Variants in GXYLT1 observed in about 807,000 individuals in gnomAD.
GXYLT1 encodes the protein glucoside xylosyltransferase 1, also known as glycosyltransferase 8 domain containing 3.
Under a neutral mutation model 54.0 loss-of-function variants are expected in GXYLT1, and 29 were observed. The observed-to-expected ratio is 0.54, with a 90% confidence interval of 0.40 to 0.73. The LOEUF is 0.73. Ranked by LOEUF, GXYLT1 falls within the 30% of genes least tolerant of loss-of-function variation. GXYLT1 has a pLI of 0.00. For synonymous variants in GXYLT1, 176 were observed against 204.1 expected (o/e 0.86, Z 1.17); for missense variants, 490 against 553.4 (o/e 0.89, Z 1.15).
In GXYLT1 at chr12:42,144,766, C is replaced by A. The variant is rs933893811; in HGVS notation, c.-120G>T. 4.6e-6 allele frequency: 3 copies of A among 646,412 alleles called. No homozygotes were observed. Among genetic ancestry groups the A allele is most frequent in the African/African-American group, 1.9e-5 (1 of 52,092 alleles). 40.0% of individuals were successfully genotyped at this position (646,412 alleles called of 1,614,324 possible). A position where few individuals can be genotyped will look rare whatever the true frequency, so the allele number is the denominator to read the frequency against. ...AGTTCCTCACCCGCAGCCGCCGCCG[C>A]CGCCTTGCGCCCGCTCCCTTCCTTC... is the stretch of plus-strand genomic sequence containing the variant. On this transcript the variant is annotated 5_prime_UTR_variant, in exon 1 of 8. Transcript: ENST00000398675.
At chr12:42,104,675 T>C (rs1436122820) in intron 5 of GXYLT1, among the ~76,000 whole-genome samples, 1 of 152,164 alleles carries the variant, frequency 6.6e-6, no homozygotes, top group Admixed American at 6.5e-5. Context: ...TACTGCTGCC[T>C]ATACCAAAGG....
chr12:42,126,135 G>A (rs986666693), intron 2 of GXYLT1, among the ~76,000 whole-genome samples: 4 of 150,906 alleles, frequency 2.7e-5, no homozygotes, highest in African/African-American at 4.9e-5. Context: ...GTGCAGCGGT[G>A]TGGTATTGGT....
In GXYLT1 at chr12:42,105,952, T is replaced by C. The variant is rs959896816; in HGVS notation, c.730A>G (p.Met244Val). 10 of 1,614,024 alleles carry C rather than the reference T, an allele frequency of 6.2e-6. No individual in the cohort carries two copies. Among genetic ancestry groups the C allele is most frequent in the East Asian group, 4.5e-5 (2 of 44,870 alleles). Residue 244 changes from methionine (M) to valine (V), a missense_variant, in exon 5 of 8, where the codon ATG (methionine) becomes GTG (valine). Physicochemically the swap from Met to Val is conservative, Grantham distance 21. Around this residue, in one of 2 missense-constraint regions of GXYLT1, gnomAD observed 342 missense variants for 342.6 expected, o/e 1.00. Transcript: ENST00000398675. ...CGAGGTTCCTCATGTTCTGGTGCCA[T>C]TGCAGCAATTTGTGTGGAATTAAAT... ...KKFNSTQIAA[M>V]APEHEEPRIG...
intron 1 of GXYLT1, among the ~76,000 whole-genome samples, chr12:42,132,587 T>C (rs1469690962): frequency 6.6e-6 from 1 of 152,184 alleles, no homozygotes. Flanking sequence ...CTAGAAAAGT[T>C]AACGTGTATG....
rs2065351743 is a variant in GXYLT1, at chr12:42,095,662, T to C, written c.1161+1780A>G. On this transcript the variant is annotated intron_variant, in intron 7 of 7. Coordinates refer to ENST00000398675, the MANE Select transcript of GXYLT1 (RefSeq NM_173601.2). ...GGATAAACGGGCTAAGATAACAGGT[T>C]ACATCTGAGTAAACCCTTATGTTAT... Among the ~76,000 whole-genome samples the C allele has an allele frequency of 3.3e-5, 5 of 152,308 alleles. No individual in the cohort carries two copies. In the South Asian group the frequency reaches 1.0e-3, roughly 32 times the overall value.
intron 2 of GXYLT1, among the ~76,000 whole-genome samples, chr12:42,125,470 T>C (rs2065555225): frequency 6.6e-6 from 1 of 151,862 alleles, no homozygotes; most frequent in African/African-American, 2.4e-5. Flanking sequence ...AAGAGCAGAG[T>C]CCTAAGAAAT....
chr12:42,137,586 T>C (rs906431541), intron 1 of GXYLT1, among the ~76,000 whole-genome samples: 3 of 148,110 alleles, frequency 2.0e-5, no homozygotes, highest in African/African-American at 7.5e-5. Flanking sequence ...TGAAACCCTG[T>C]CTCTACTAAA....
intron 1 of GXYLT1, among the ~76,000 whole-genome samples, chr12:42,140,356 C>G (rs987527672): frequency 6.6e-6 from 1 of 151,618 alleles, no homozygotes; most frequent in Non-Finnish European, 1.5e-5. Flanking sequence ...TTAACTGGAG[C>G]CCAATGACCA....
rs1381287364 is a variant in GXYLT1 at position 42,144,706 on chromosome 12, G to C, written c.-60C>G. Reference sequence around the variant, plus strand: ...CGCGCCCGCCCCGACGAACTGGAGCGGAGGGAGGGGCACCGCGCAGCCGCG... The same window carrying C: ...CGCGCCCGCCCCGACGAACTGGAGCCGAGGGAGGGGCACCGCGCAGCCGCG... On this transcript the variant is annotated 5_prime_UTR_variant, in exon 1 of 8. Coordinates refer to ENST00000398675, the MANE Select transcript of GXYLT1 (RefSeq NM_173601.2). The C allele has an allele frequency of 1.7e-6, 2 of 1,150,740 alleles. No individual in the cohort carries two copies. The highest frequency in any genetic ancestry group is 2.3e-6 in the Non-Finnish European group (2 of 868,710). 71.3% of individuals were successfully genotyped at this position (1,150,740 alleles called of 1,614,324 possible). A position where few individuals can be genotyped will look rare whatever the true frequency, so the allele number is the denominator to read the frequency against.
At chr12:42,114,606 A>G (rs1372002757) in intron 3 of GXYLT1, among the ~76,000 whole-genome samples, 1 of 152,200 alleles carries the variant, frequency 6.6e-6, no homozygotes. Context: ...TGAATAGACC[A>G]ACAACAGGCT....
At chr12:42,136,789 A>T (rs5797782) in intron 1 of GXYLT1, among the ~76,000 whole-genome samples, 43 of 23,238 alleles carry the variant, frequency 1.9e-3, no homozygotes, top group African/African-American at 3.7e-3. Flanking sequence ...CATACATACA[A>T]ACAAACACAC....
intron 1 of GXYLT1, among the ~76,000 whole-genome samples, chr12:42,138,232 G>A (rs963702453): frequency 3.3e-5 from 5 of 152,158 alleles, no homozygotes; most frequent in Admixed American, 6.5e-5. Context: ...GTGCCACTGC[G>A]CTCCAGTCTG....
At chr12:42,143,723 G>C (rs1421090808) in intron 1 of GXYLT1, among the ~76,000 whole-genome samples, 3 of 152,094 alleles carry the variant, frequency 2.0e-5, no homozygotes, top group Non-Finnish European at 2.9e-5. Context: ...TCCCACTCTG[G>C]CAGTGATTAC....
At chr12:42,109,266 G>T (rs906349785) in intron 4 of GXYLT1, among the ~76,000 whole-genome samples, 5 of 152,136 alleles carry the variant, frequency 3.3e-5, no homozygotes, top group African/African-American at 1.2e-4. Context: ...GCTCCATTAA[G>T]ACCTGGCAAC....
chr12:42,144,400 TC>T, intron 1 of GXYLT1, 25 bp downstream of exon 1: 1 of 1,323,734 alleles, frequency 7.6e-7, no homozygotes, highest in Non-Finnish European at 9.7e-7. Flanking sequence ...GCCCGCCGCG[TC>T]CCCCACACCG....
At chr12:42,129,389 A>T (rs766619977) in intron 2 of GXYLT1, among the ~76,000 whole-genome samples, 2 of 152,174 alleles carry the variant, frequency 1.3e-5, no homozygotes, top group African/African-American at 2.4e-5. Context: ...GTCCCCATCC[A>T]CTATAGTACA....
At position 42,086,287 on chromosome 12, in the gene GXYLT1, C is replaced by T. The variant is rs2065292784; in HGVS notation, c.*1499G>A. 1 of 152,278 alleles carries T rather than the reference C, an allele frequency of 6.6e-6. No individual in the cohort carries two copies. The highest frequency in any genetic ancestry group is 1.5e-5 in the Non-Finnish European group (1 of 68,074). The allele number at this position is 152,278 out of a possible 1,614,324, so 9.4% of individuals were successfully genotyped here. A position where few individuals can be genotyped will look rare whatever the true frequency, so the allele number is the denominator to read the frequency against. On this transcript the variant is annotated 3_prime_UTR_variant, in exon 8 of 8. Transcript: ENST00000398675. ...GACTGGTTATCAACTTCTAATGCAC[C>T]CTGCTTAAACTTTCCTCTCTCAATT...
At chr12:42,096,866 A>C (rs1201717831) in intron 7 of GXYLT1, among the ~76,000 whole-genome samples, 1 of 152,144 alleles carries the variant, frequency 6.6e-6, no homozygotes, top group Non-Finnish European at 1.5e-5. Context: ...GACTATGACT[A>C]TGAGGGCCTG....
chr12:42,124,635 T>C (rs1476488526), intron 2 of GXYLT1, among the ~76,000 whole-genome samples: 1 of 152,222 alleles, frequency 6.6e-6, no homozygotes, highest in Admixed American at 6.5e-5. Context: ...CCAAGTACAC[T>C]CACACAATGC....
Sources: gnomAD v4.1 joint callset for allele counts (sites outside exome capture counted in the v4.1 genomes callset) on GRCh38, gnomAD v4.1.1 for gene constraint, gnomAD v4.1.1 regional missense constraint, MANE v1.5 for transcripts, NCBI Gene and HGNC (gene_info 2026-07-23, HGNC 2026-07-21) for gene names.